The following ZNF608 variants were observed in gnomAD, a reference collection of about 807,000 sequenced individuals.
ZNF608 encodes the protein renal carcinoma antigen NY-REN-36.
Under a neutral mutation model 109.0 loss-of-function variants are expected in ZNF608, and 12 were observed. The ratio of observed to expected loss-of-function variants is 0.11; its 90% CI spans 0.07 to 0.18. ZNF608 has a LOEUF of 0.18. Among genes scored for constraint, ZNF608 ranks in the 10% least tolerant of loss-of-function variants. The pLI is 1.00. For synonymous variants in ZNF608, 732 were observed against 717.4 expected, an observed-to-expected ratio of 1.02 and a Z score of -0.33; for missense variants, 1,707 against 1,879.3, an observed-to-expected ratio of 0.91 and a Z score of 1.70.
At chr5:124,669,198 T>C (rs1751610374) in intron 3 of ZNF608, among the ~76,000 whole-genome samples, 2 of 152,146 alleles carry the variant, frequency 1.3e-5, no homozygotes, top group Admixed American at 1.3e-4. Context: ...CAGACAAGAA[T>C]GAACCTACTG....
chr5:124,682,036 T>C (rs1405279824), intron 3 of ZNF608, among the ~76,000 whole-genome samples: 1 of 152,226 alleles, frequency 6.6e-6, no homozygotes, highest in Non-Finnish European at 1.5e-5. Context: ...TTTAAGCATC[T>C]GAGCTTTCAA....
intron 3 of ZNF608, among the ~76,000 whole-genome samples, chr5:124,678,136 A>G (rs561890323): frequency 5.4e-4 from 82 of 152,292 alleles, no homozygotes; most frequent in African/African-American, 1.9e-3. Flanking sequence ...GTAAAGTTCA[A>G]TTAGAGAGTT....
At chr5:124,726,724 G>C (rs59795164) in intron 2 of ZNF608, among the ~76,000 whole-genome samples, 1 of 148,788 alleles carries the variant, frequency 6.7e-6, no homozygotes, top group Admixed American at 6.7e-5. Flanking sequence ...GTTTCTCATC[G>C]CATTCAAGCT....
intron 2 of ZNF608, among the ~76,000 whole-genome samples, chr5:124,734,326 CT>C (rs1749045344): frequency 6.6e-6 from 1 of 152,064 alleles, no homozygotes; most frequent in South Asian, 2.1e-4. Context: ...AAATGGTTGT[CT>C]TAACTTGACA....
At chr5:124,729,970 T>C (rs960066205) in intron 2 of ZNF608, among the ~76,000 whole-genome samples, 16 of 152,336 alleles carry the variant, frequency 1.1e-4, no homozygotes, top group African/African-American at 3.4e-4. Flanking sequence ...TCAAATAACA[T>C]GGAAGCAACT....
intron 2 of ZNF608, among the ~76,000 whole-genome samples, chr5:124,729,318 C>A (rs564224850): frequency 6.6e-6 from 1 of 152,298 alleles, no homozygotes; most frequent in South Asian, 2.1e-4. Flanking sequence ...CCAAGAGCAT[C>A]CCAGAGAGGA....
chr5:124,703,668 T>G (rs975467707), intron 2 of ZNF608, among the ~76,000 whole-genome samples: 1 of 152,012 alleles, frequency 6.6e-6, no homozygotes, highest in African/African-American at 2.4e-5. Flanking sequence ...CTCGAGAGGC[T>G]GAGGTGGGAG....
chr5:124,709,906 G>A (rs901249259), intron 2 of ZNF608, among the ~76,000 whole-genome samples: 15 of 152,176 alleles, frequency 9.9e-5, no homozygotes, highest in African/African-American at 3.1e-4. Context: ...CTGAATTCCT[G>A]AAAAGTTCCA....
chr5:124,649,840 C>G, intron 3 of ZNF608, 143 bp from the exon 4 acceptor site: 1 of 543,498 alleles, frequency 1.8e-6, no homozygotes. Context: ...CATTCTTCCT[C>G]TTTCTGGTTT....
intron 3 of ZNF608, among the ~76,000 whole-genome samples, chr5:124,690,995 T>A (rs1344424769): frequency 6.6e-6 from 1 of 151,834 alleles, no homozygotes; most frequent in Admixed American, 6.6e-5. Flanking sequence ...CAACTTTTTT[T>A]ACACAATTTT....
chr5:124,713,340 A>T (rs543033713), intron 2 of ZNF608, among the ~76,000 whole-genome samples: 1 of 152,222 alleles, frequency 6.6e-6, no homozygotes, highest in African/African-American at 2.4e-5. Flanking sequence ...AAGGTCACCA[A>T]ATGATGGCCC....
intron 2 of ZNF608, among the ~76,000 whole-genome samples, chr5:124,737,612 A>G (rs765916162): frequency 3.5e-4 from 53 of 152,212 alleles, no homozygotes; most frequent in Non-Finnish European, 6.6e-4. Flanking sequence ...AGACCTAGCA[A>G]AATATAAGTA....
At chr5:124,656,383 C>T (rs1259188432) in intron 3 of ZNF608, among the ~76,000 whole-genome samples, 4 of 152,152 alleles carry the variant, frequency 2.6e-5, no homozygotes, top group Non-Finnish European at 2.9e-5. Flanking sequence ...TCTCTGTCAG[C>T]GGCTGGAATA....
chr5:124,712,655 G>A (rs1029849433), intron 2 of ZNF608, among the ~76,000 whole-genome samples: 7 of 152,224 alleles, frequency 4.6e-5, no homozygotes, highest in Middle Eastern at 3.4e-3. Context: ...GAAGCCACGA[G>A]GAGACAGTGC....
At position 124,744,748 on chromosome 5, in the gene ZNF608, T is replaced by C. The variant is rs1477468033; in HGVS notation, c.242A>G (p.Asp81Gly). 11 of 1,614,088 alleles carry C rather than the reference T, an allele frequency of 6.8e-6. No individual in the cohort carries two copies. The highest frequency in any genetic ancestry group is 1.3e-5 in the African/African-American group (1 of 74,934). Residue 81 changes from aspartate (D) to glycine (G), a missense_variant, in exon 2 of 10, where the codon GAT (aspartate) becomes GGT (glycine). Around this residue, in one of 7 missense-constraint regions of ZNF608, gnomAD observed 407 missense variants for 398.7 expected, o/e 1.02. Transcript: ENST00000513986. This position sits in a 1 kb window ranked among gnomAD's most constrained non-coding sequence, Gnocchi z 4.5. The part of the protein sequence containing the change: ...SGAGATAALA[D>G]GLKFASVQAS... The stretch of plus-strand genomic sequence containing the variant: ...CTGAACAGAAGCAAATTTTAGGCCA[T>C]CAGCTAAGGCTGCGGTAGCACCAGC...
Position 124,649,654 on chromosome 5 carries a change from C to G in ZNF608, c.1206G>C (p.Val402=). ...VNVTWRNKTY[V]GTLLDCTKHD... is the part of the protein sequence containing the mutation. ...GCTTGGTGCAGTCCAGTAGGGTTCC[C>G]ACGTACGTTTTGTTCCTCCACGTGA... is the stretch of plus-strand genomic sequence containing the variant. Residue 402 remains valine (V), a synonymous_variant, in exon 4 of 10, where the codon GTG becomes GTC. Coordinates refer to ENST00000513986, the MANE Select transcript of ZNF608 (RefSeq NM_020747.3). 1 of 1,610,308 alleles carries G rather than the reference C, an allele frequency of 6.2e-7. No homozygotes were observed. The highest frequency in any genetic ancestry group is 8.5e-7 in the Non-Finnish European group (1 of 1,177,458).
upstream of ZNF608, chr5:124,746,826 G>A (rs1390993146): frequency 1.0e-6 from 1 of 954,334 alleles, no homozygotes; most frequent in African/African-American, 1.8e-5. Flanking sequence ...GGAGGAGGAG[G>A]AGAAGAAAGG....
In ZNF608 at chr5:124,648,879, T is replaced by A; in HGVS notation, c.1505A>T (p.Asn502Ile). ...CAGGTCCAGCTCCATTGGAGGCTTGTTTTTCCTTTTGTTGGTGGAGGAAGG... is the reference window on the plus strand; with the variant it reads ...CAGGTCCAGCTCCATTGGAGGCTTGATTTTCCTTTTGTTGGTGGAGGAAGG... ...ASPSSTNKRKNKPPMELDLNS... is the reference protein window; with the variant it reads ...ASPSSTNKRKIKPPMELDLNS... Residue 502 changes from asparagine (N) to isoleucine (I), a missense_variant, in exon 5 of 10, where the codon AAC (asparagine) becomes ATC (isoleucine). Asn to Ile is a moderately radical substitution (Grantham distance 149). This residue lies in a region of ZNF608 where 166 missense variants were observed against 204.2 expected (regional missense o/e 0.81). Transcript: ENST00000513986. 6.2e-7 allele frequency: 1 copy of A among 1,613,962 alleles called. No homozygotes were observed. Among genetic ancestry groups the A allele is most frequent in the Non-Finnish European group, 8.5e-7 (1 of 1,179,906 alleles).
Position 124,675,672 on chromosome 5 carries a change from G to A in ZNF608, c.1162+25342C>T, listed in dbSNP as rs1010643068. Among the ~76,000 whole-genome samples the A allele has an allele frequency of 1.2e-4, 19 of 152,186 alleles. No homozygotes were observed. In the East Asian group the frequency reaches 3.3e-3, roughly 26 times the overall value. ...GTCAGGATTCATTCCATGAGACTAC[G>A]GCCATCATTTTTTTAGAAATACCCT... On this transcript the variant is annotated intron_variant, in intron 3 of 9. Coordinates refer to ENST00000513986, the MANE Select transcript of ZNF608 (RefSeq NM_020747.3).
Sources: allele counts gnomAD v4.1 joint callset (sites outside exome capture counted in the v4.1 genomes callset), GRCh38; gene constraint gnomAD v4.1.1; regional missense constraint gnomAD v4.1.1; non-coding constraint Gnocchi (gnomAD v3.1); transcripts MANE v1.5; gene names NCBI Gene and HGNC (gene_info 2026-07-23, HGNC 2026-07-21).